The following COG7 variants were observed in gnomAD, a reference collection of about 807,000 sequenced individuals.
COG7 encodes conserved oligomeric Golgi complex subunit 7.
Under a neutral mutation model 91.5 loss-of-function variants are expected in COG7, and 49 were observed. The ratio of observed to expected loss-of-function variants is 0.54; its 90% CI spans 0.43 to 0.68. The LOEUF is 0.68. COG7 is among the 30% of genes least tolerant of loss of function. The probability of loss-of-function intolerance (pLI) is 0.00; values close to 1 mark genes in which losing one functional copy is unlikely to be tolerated. For synonymous variants in COG7, 365 were observed against 388.7 expected (o/e 0.94, Z 0.72); for missense variants, 895 against 961.3 (o/e 0.93, Z 0.91).
chr16:23,392,664 T>G (rs950155493), intron 15 of COG7, 141 bp from the exon 16 acceptor site: 1 of 958,844 alleles, frequency 1.0e-6, no homozygotes, highest in African/African-American at 1.6e-5. Flanking sequence ...GTGCAGTGGC[T>G]CATGCCTGTA....
Position 23,392,441 on chromosome 16 carries a change from A to G in COG7, c.2085T>C (p.Asp695=). Residue 695 remains aspartate (D), a synonymous_variant, in exon 16 of 17, where the codon GAT becomes GAC. Transcript: ENST00000307149. ...TCAGCTCAGGGATCTGTAGGATCGC[A>G]TCACAGTAGGTCTGCATTGTGGCTC... ...IARATMQTYC[D]AILQIPELSP... 1 of 1,614,220 alleles carries G rather than the reference A, an allele frequency of 6.2e-7. No individual in the cohort carries two copies. Among genetic ancestry groups the G allele is most frequent in the Middle Eastern group, 1.6e-4 (1 of 6,062 alleles).
chr16:23,423,662 C>T (rs921693135), intron 7 of COG7, among the ~76,000 whole-genome samples: 27 of 152,154 alleles, frequency 1.8e-4, no homozygotes, highest in South Asian at 4.1e-4. Context: ...CTCCCTGGAA[C>T]GTACAAGGCA....
chr16:23,452,416 A>T (rs1355142022), intron 1 of COG7, among the ~76,000 whole-genome samples: 3 of 152,114 alleles, frequency 2.0e-5, no homozygotes, highest in Non-Finnish European at 4.4e-5. Context: ...TTTTTTTTTT[A>T]AACAGAATTT....
At chr16:23,403,946 G>A in intron 12 of COG7, 112 bp from the exon 13 acceptor site, 1 of 1,324,504 alleles carries the variant, frequency 7.5e-7, no homozygotes, top group Non-Finnish European at 1.1e-6. Flanking sequence ...ATGCAATAGT[G>A]GTTCCCAAAC....
At chr16:23,411,489 T>C (rs1444318357) in intron 10 of COG7, among the ~76,000 whole-genome samples, 1 of 152,212 alleles carries the variant, frequency 6.6e-6, no homozygotes, top group Non-Finnish European at 1.5e-5. Context: ...ACAGTTAGCA[T>C]CTAGAACATT....
At chr16:23,427,411 T>C (rs753472298) in intron 6 of COG7, among the ~76,000 whole-genome samples, 41 of 149,118 alleles carry the variant, frequency 2.7e-4, no homozygotes, top group Non-Finnish European at 5.4e-4. Context: ...GAGGTGGAGG[T>C]TGCAGTGAGC....
Position 23,433,881 on chromosome 16 carries a change from G to A in COG7, c.688-214C>T, listed in dbSNP as rs532300600. ...TCACAGCTTTAATCTGTCACCCTGCGGATGTGATCCCCTCTCCATTTATCC... is the reference window on the plus strand; with the variant it reads ...TCACAGCTTTAATCTGTCACCCTGCAGATGTGATCCCCTCTCCATTTATCC... On this transcript the variant is annotated intron_variant, in intron 5 of 16. Transcript: ENST00000307149. Among the ~76,000 whole-genome samples, 17 of 151,810 alleles carry A rather than the reference G, an allele frequency of 1.1e-4. No individual in the cohort carries two copies. In the East Asian group the frequency reaches 1.7e-3, roughly 16 times the overall value.
chr16:23,390,937 T>C (rs1441224883), intron 16 of COG7, among the ~76,000 whole-genome samples: 1 of 152,262 alleles, frequency 6.6e-6, no homozygotes, highest in African/African-American at 2.4e-5. Flanking sequence ...GCCCACAGTC[T>C]ACTAGGACAT....
At chr16:23,393,566 T>C in intron 14 of COG7, 1 of 565,794 alleles carries the variant, frequency 1.8e-6, no homozygotes, top group Non-Finnish European at 3.2e-6. Context: ...ATCCTTCTTA[T>C]AATGACCTCA....
chr16:23,432,841 C>G (rs1963954842), intron 6 of COG7, among the ~76,000 whole-genome samples: 1 of 152,082 alleles, frequency 6.6e-6, no homozygotes, highest in African/African-American at 2.4e-5. Context: ...TAAATTTTAC[C>G]TGAAGTAAAG....
At chr16:23,409,981 T>C (rs1963536045) in intron 11 of COG7, among the ~76,000 whole-genome samples, 1 of 152,210 alleles carries the variant, frequency 6.6e-6, no homozygotes, top group South Asian at 2.1e-4. Flanking sequence ...AACTAATTTA[T>C]AAACAAGCAG....
At chr16:23,426,712 G>C (rs1007797515) in intron 6 of COG7, among the ~76,000 whole-genome samples, 2 of 150,744 alleles carry the variant, frequency 1.3e-5, no homozygotes, top group South Asian at 4.2e-4. Context: ...CACAGCTAAC[G>C]TGATACCCAT....
At chr16:23,436,837 T>C (rs1188756949) in intron 4 of COG7, among the ~76,000 whole-genome samples, 2 of 152,220 alleles carry the variant, frequency 1.3e-5, no homozygotes, top group Non-Finnish European at 2.9e-5. Flanking sequence ...CCCTTCCTGA[T>C]GCTTGCCAAA....
At chr16:23,424,635 C>A in intron 7 of COG7, 114 bp downstream of exon 7, 1 of 1,084,132 alleles carries the variant, frequency 9.2e-7, no homozygotes. Flanking sequence ...AAACACCGAT[C>A]CCTTCCATTT....
rs553709005 is a variant in COG7 at position 23,421,541 on chromosome 16, A to G, written c.1010-2714T>C. ...CAGGCTAAAGAATAAGCAATTCAAAAGAGAAAAGATACTTTTTATCATGTA... is the reference window on the plus strand; with the variant it reads ...CAGGCTAAAGAATAAGCAATTCAAAGGAGAAAAGATACTTTTTATCATGTA... On this transcript the variant is annotated intron_variant, in intron 7 of 16. Coordinates refer to ENST00000307149, the MANE Select transcript of COG7 (RefSeq NM_153603.4). Among the ~76,000 whole-genome samples the G allele has an allele frequency of 1.9e-3, 294 of 151,984 alleles. 2 individuals carry two copies. Among genetic ancestry groups the G allele is most frequent in the Non-Finnish European group, 3.1e-3 (212 of 67,968 alleles).
chr16:23,426,818 C>CAAAAAAAAAAAAAA (rs1176659874), intron 6 of COG7, among the ~76,000 whole-genome samples: 10 of 60,228 alleles, frequency 1.7e-4, no homozygotes, highest in Middle Eastern at 8.1e-3. Context: ...AGCAATTGGA[C>CAAAAAAAAAAAAAA]AAAAAAAAAA....
chr16:23,435,096 G>A (rs1963993765), intron 4 of COG7, among the ~76,000 whole-genome samples: 1 of 152,210 alleles, frequency 6.6e-6, no homozygotes, highest in African/African-American at 2.4e-5. Context: ...GGTCGCGGTA[G>A]CTCATGCCTG....
intron 4 of COG7, among the ~76,000 whole-genome samples, chr16:23,436,146 T>C (rs1239731952): frequency 6.6e-6 from 1 of 152,152 alleles, no homozygotes. Context: ...CACTTGAGCC[T>C]GGGAGGACAA....
chr16:23,388,744 T>C lies in COG7; in HGVS notation c.*176A>G, dbSNP rs1277026094. 8 of 1,119,594 alleles carry C rather than the reference T, an allele frequency of 7.1e-6. No homozygotes were observed. The highest frequency in any genetic ancestry group is 6.1e-5 in the Admixed American group (2 of 32,994). 69.4% of individuals were successfully genotyped at this position (1,119,594 alleles called of 1,614,324 possible). A position where few individuals can be genotyped will look rare whatever the true frequency, so the allele number is the denominator to read the frequency against. ...CTCGAACTCCTGGCTTCATGATCCA[T>C]CTGGCTTGGCCTCCCAAAGTGCTGG... On this transcript the variant is annotated 3_prime_UTR_variant, in exon 17 of 17. Coordinates refer to ENST00000307149, the MANE Select transcript of COG7 (RefSeq NM_153603.4).
Sources: gnomAD v4.1 joint callset for allele counts (sites outside exome capture counted in the v4.1 genomes callset) on GRCh38, gnomAD v4.1.1 for gene constraint, MANE v1.5 for transcripts, NCBI Gene and HGNC (gene_info 2026-07-23, HGNC 2026-07-21) for gene names.